Variants in ZNF605 observed in about 807,000 individuals in gnomAD.
The protein encoded by ZNF605 is zinc finger protein 605.
ZNF605 carries 9 observed loss-of-function variants against 7.9 expected under a neutral mutation model. The ratio of observed to expected loss-of-function variants is 1.14; its 90% CI spans 0.68 to 1.98. The LOEUF is 1.98. ZNF605 is among the 30% of genes most tolerant of loss of function. The pLI is 0.00. For synonymous variants in ZNF605, 255 were observed against 260.1 expected, an observed-to-expected ratio of 0.98 and a Z score of 0.19; for missense variants, 673 against 762.4, an observed-to-expected ratio of 0.88 and a Z score of 1.38.
intron 3 of ZNF605, among the ~76,000 whole-genome samples, chr12:132,942,987 G>A (rs1439906579): frequency 1.3e-5 from 2 of 152,036 alleles, no homozygotes; most frequent in Non-Finnish European, 2.9e-5. Flanking sequence ...GACCTATTGG[G>A]GTCCATGATG....
intron 3 of ZNF605, among the ~76,000 whole-genome samples, chr12:132,942,323 T>G (rs1300215064): frequency 6.6e-6 from 1 of 152,206 alleles, no homozygotes; most frequent in Non-Finnish European, 1.5e-5. Context: ...GTGGCGGCTG[T>G]GGACTTGGAC....
At chr12:132,932,533 A>G (rs1262111139) in intron 4 of ZNF605, among the ~76,000 whole-genome samples, 1 of 152,192 alleles carries the variant, frequency 6.6e-6, no homozygotes, top group African/African-American at 2.4e-5. Context: ...ACACATCCCG[A>G]TGTGGAGACC....
intron 3 of ZNF605, among the ~76,000 whole-genome samples, chr12:132,940,405 A>G (rs1243921416): frequency 1.3e-5 from 2 of 152,164 alleles, no homozygotes; most frequent in Non-Finnish European, 2.9e-5. Context: ...AACAATCACC[A>G]AGGCTTTACC....
At chr12:132,929,079 G>A (rs1453144317) in intron 4 of ZNF605, among the ~76,000 whole-genome samples, 3 of 151,996 alleles carry the variant, frequency 2.0e-5, no homozygotes, top group African/African-American at 4.8e-5. Flanking sequence ...TTCTAGGGGG[G>A]AAAAAGCCTC....
chr12:132,935,750 G>A (rs944150556), intron 3 of ZNF605, among the ~76,000 whole-genome samples: 4 of 151,838 alleles, frequency 2.6e-5, no homozygotes, highest in Admixed American at 6.6e-5. Context: ...AAAATTAGCC[G>A]GGCATGGTGG....
intron 4 of ZNF605, among the ~76,000 whole-genome samples, chr12:132,932,422 A>G (rs1214056500): frequency 2.6e-5 from 4 of 152,242 alleles, no homozygotes; most frequent in Admixed American, 2.6e-4. Context: ...TTATGAATTC[A>G]TAAAGAGAGC....
intron 1 of ZNF605, among the ~76,000 whole-genome samples, chr12:132,950,915 C>T (rs111205343): frequency 0.023 from 3,567 of 151,836 alleles, 138 homozygotes; most frequent in African/African-American, 0.081. Context: ...CATACTGATA[C>T]ACACGTAACG....
rs113205605 is a variant in ZNF605 at position 132,949,808 on chromosome 12, A to G, written c.-285-1538T>C. On this transcript the variant is annotated intron_variant, in intron 1 of 4. Transcript: ENST00000360187. Reference sequence around the variant, plus strand: ...AATGGCAGAGCAAGGACACTGAGGTAGGAGGAATTCCTAGAAATGGCGGGA... The same window carrying G: ...AATGGCAGAGCAAGGACACTGAGGTGGGAGGAATTCCTAGAAATGGCGGGA... Among the ~76,000 whole-genome samples, 554 of 152,316 alleles carry G rather than the reference A, an allele frequency of 3.6e-3. 4 individuals are homozygous for G. The highest frequency in any genetic ancestry group is 6.8e-3 in the Middle Eastern group (2 of 294).
intron 1 of ZNF605, among the ~76,000 whole-genome samples, chr12:132,953,869 A>T (rs1369808607): frequency 1.3e-5 from 2 of 152,028 alleles, no homozygotes; most frequent in Non-Finnish European, 2.9e-5. Context: ...ACTTGCACGC[A>T]TACTTGGCAT....
At chr12:132,951,904 ACATT>A (rs1358011269) in intron 1 of ZNF605, among the ~76,000 whole-genome samples, 24 of 151,878 alleles carry the variant, frequency 1.6e-4, no homozygotes, top group Non-Finnish European at 2.6e-4. Flanking sequence ...CACATCACAC[ACATT>A]CAAACACATA....
intron 1 of ZNF605, among the ~76,000 whole-genome samples, chr12:132,949,236 A>C (rs1952532202): frequency 6.6e-6 from 1 of 152,186 alleles, no homozygotes; most frequent in Non-Finnish European, 1.5e-5. Flanking sequence ...GCTCCTACTT[A>C]AGCCCACTCC....
chr12:132,954,731 G>A (rs1334440288), intron 1 of ZNF605, among the ~76,000 whole-genome samples: 3 of 151,668 alleles, frequency 2.0e-5, no homozygotes, highest in Non-Finnish European at 4.4e-5. Context: ...CATTCCCACA[G>A]GCCCTCCCAA....
At chr12:132,950,423 A>G (rs1952544705) in intron 1 of ZNF605, among the ~76,000 whole-genome samples, 1 of 151,982 alleles carries the variant, frequency 6.6e-6, no homozygotes, top group African/African-American at 2.4e-5. Flanking sequence ...GCACACGTAC[A>G]GACACGCACA....
chr12:132,941,921 G>A lies in ZNF605; in HGVS notation c.15+3700C>T, dbSNP rs1423608999. On this transcript the variant is annotated intron_variant, in intron 3 of 4. Transcript: ENST00000360187. This position sits in a 1 kb window ranked among gnomAD's most constrained non-coding sequence, Gnocchi z 5.1. ...GACACCTCAGACTCCACGGGGCACGGTGCAAGGCCCTTTCATCCCCTTTCT... is the reference window on the plus strand; with the variant it reads ...GACACCTCAGACTCCACGGGGCACGATGCAAGGCCCTTTCATCCCCTTTCT... 6.6e-6 allele frequency among the ~76,000 whole-genome samples: 1 copy of A among 152,202 alleles called. No homozygotes were observed. Among genetic ancestry groups the A allele is most frequent in the Non-Finnish European group, 1.5e-5 (1 of 68,050 alleles).
Position 132,921,129 on chromosome 12 carries a change from TC to T in ZNF605, c.*4243del, listed in dbSNP as rs1311303503. On this transcript the variant is annotated 3_prime_UTR_variant, in exon 5 of 5. Transcript: ENST00000360187. ...GGCTTGCGTCACTGCACCCAGCCTC[TC>T]ATGGCTAATTAAATTTTTTTTTTGT... is the stretch of plus-strand genomic sequence containing the variant. 1 of 148,828 alleles carries T rather than the reference TC, an allele frequency of 6.7e-6. No homozygotes were observed. Among genetic ancestry groups the T allele is most frequent in the Non-Finnish European group, 1.5e-5 (1 of 66,728 alleles). 9.2% of individuals were successfully genotyped at this position (148,828 alleles called of 1,614,324 possible).
At chr12:132,940,653 C>A (rs1952426732) in intron 3 of ZNF605, among the ~76,000 whole-genome samples, 1 of 152,176 alleles carries the variant, frequency 6.6e-6, no homozygotes, top group Non-Finnish European at 1.5e-5. Context: ...CAGGCTATGG[C>A]TAGTTCCCTG....
At chr12:132,948,874 G>T (rs770990) in intron 1 of ZNF605, among the ~76,000 whole-genome samples, 131,459 of 152,190 alleles carry the variant, frequency 0.86, 57,614 homozygotes, top group South Asian at 0.96. Flanking sequence ...GCCAGCAGCA[G>T]CCACACCTGC....
chr12:132,956,055 C>T (rs1282424182), intron 1 of ZNF605, among the ~76,000 whole-genome samples, 188 bp downstream of exon 1: 1 of 144,290 alleles, frequency 6.9e-6, no homozygotes, highest in Non-Finnish European at 1.5e-5. Flanking sequence ...CCGCCTGAGG[C>T]CCGCCTTCCG....
chr12:132,933,242 T>A lies in ZNF605; in HGVS notation c.16-87A>T. 2.1e-6 allele frequency: 3 copies of A among 1,453,242 alleles called. No individual in the cohort carries two copies. The highest frequency in any genetic ancestry group is 1.8e-6 in the Non-Finnish European group (2 of 1,082,214). 90.0% of individuals were successfully genotyped at this position (1,453,242 alleles called of 1,614,324 possible). ...TCTTCTGTATTTGTGGTAGGTGGCC[T>A]CTAAGATGGCCCCAGTGACCTCTGA... On this transcript the variant is annotated intron_variant, in intron 3 of 4. Transcript: ENST00000360187. The surrounding 1 kb of genome is among the most constrained non-coding windows in gnomAD (Gnocchi z 4.4).
Sources: gnomAD v4.1 joint callset for allele counts (sites outside exome capture counted in the v4.1 genomes callset) on GRCh38, gnomAD v4.1.1 for gene constraint, Gnocchi (gnomAD v3.1) non-coding constraint, MANE v1.5 for transcripts, NCBI Gene and HGNC (gene_info 2026-07-23, HGNC 2026-07-21) for gene names.